ADAMTSL1: variants seen among roughly 807,000 people sequenced by gnomAD.
ADAMTSL1 encodes the protein ADAMTS-like protein 1.
In ADAMTSL1, 126 loss-of-function variants were observed where a neutral mutation model predicts 201.8. That is an observed-to-expected ratio of 0.62 (90% CI 0.54 to 0.72). The LOEUF (loss-of-function observed/expected upper bound fraction) is 0.72, where lower values mean the gene tolerates loss of function less well. Among genes scored for constraint, ADAMTSL1 ranks in the 30% least tolerant of loss-of-function variants. The pLI, the probability that ADAMTSL1 is intolerant of heterozygous loss-of-function variation, is 0.00. For synonymous variants in ADAMTSL1, 1,121 were observed against 903.4 expected (o/e 1.24, Z -4.32); for missense variants, 2,679 against 2,277.8 (o/e 1.18, Z -3.59).
intron 9 of ADAMTSL1, among the ~76,000 whole-genome samples, chr9:18,663,241 A>G (rs1404363830): frequency 2.0e-5 from 3 of 152,188 alleles, no homozygotes; most frequent in Non-Finnish European, 2.9e-5. Flanking sequence ...ATTAATTCAC[A>G]GGAACCATAT....
At chr9:17,950,502 A>G (rs192386694) in intron 1 of ADAMTSL1, among the ~76,000 whole-genome samples, 1 of 151,272 alleles carries the variant, frequency 6.6e-6, no homozygotes, top group Non-Finnish European at 1.5e-5. Context: ...TATGTGTATG[A>G]TTGTATATAT....
chr9:18,366,181 A>G (rs900052325), intron 2 of ADAMTSL1, among the ~76,000 whole-genome samples: 15 of 152,120 alleles, frequency 9.9e-5, no homozygotes, highest in African/African-American at 3.6e-4. Context: ...AACATAAACA[A>G]GGCAGTTCAA....
intron 7 of ADAMTSL1, among the ~76,000 whole-genome samples, chr9:18,652,152 A>G (rs1196843455): frequency 2.0e-5 from 3 of 152,064 alleles, no homozygotes; most frequent in East Asian, 1.9e-4. Flanking sequence ...TGGGTGGATC[A>G]CTTGAAGTCA....
At chr9:18,723,186 A>G (rs768833596) in intron 15 of ADAMTSL1, 1 of 706,556 alleles carries the variant, frequency 1.4e-6, no homozygotes, top group African/African-American at 1.8e-5. Flanking sequence ...ATGATCTGAG[A>G]TCCCATGACT....
intron 1 of ADAMTSL1, among the ~76,000 whole-genome samples, chr9:18,476,656 T>C (rs1350618709): frequency 6.6e-6 from 1 of 151,776 alleles, no homozygotes; most frequent in Non-Finnish European, 1.5e-5. Flanking sequence ...TTGAGGGGCT[T>C]GTTTTTCCTA....
intron 2 of ADAMTSL1, among the ~76,000 whole-genome samples, chr9:18,275,780 T>C (rs1832563848): frequency 6.6e-6 from 1 of 152,174 alleles, no homozygotes; most frequent in Non-Finnish European, 1.5e-5. Flanking sequence ...TTTGGGGCTA[T>C]TTCCAGTTTG....
chr9:18,707,882 G>A (rs1028127438), intron 14 of ADAMTSL1, among the ~76,000 whole-genome samples: 7 of 152,210 alleles, frequency 4.6e-5, no homozygotes, highest in African/African-American at 1.7e-4. Flanking sequence ...AGTGGCAGAG[G>A]AAGGCATTGA....
At chr9:17,913,575 A>G (rs957760241) in intron 1 of ADAMTSL1, among the ~76,000 whole-genome samples, 2 of 152,198 alleles carry the variant, frequency 1.3e-5, no homozygotes, top group African/African-American at 4.8e-5. Context: ...AGCAGGAAAG[A>G]TCCAAAATTG....
chr9:18,662,353 T>C (rs1156333247), intron 9 of ADAMTSL1, among the ~76,000 whole-genome samples: 1 of 152,192 alleles, frequency 6.6e-6, no homozygotes, highest in Admixed American at 6.5e-5. Flanking sequence ...TTCATTCTGG[T>C]TCCTTGTTTC....
At chr9:18,213,353 G>A (rs572873725) in intron 2 of ADAMTSL1, among the ~76,000 whole-genome samples, 1 of 152,242 alleles carries the variant, frequency 6.6e-6, no homozygotes, top group East Asian at 1.9e-4. Flanking sequence ...GGATTGAATT[G>A]GTGTTGGTAT....
intron 1 of ADAMTSL1, among the ~76,000 whole-genome samples, chr9:18,135,359 T>G (rs1272632294): frequency 2.6e-5 from 4 of 152,166 alleles, no homozygotes; most frequent in Admixed American, 6.5e-5. Context: ...AAAGCAACTC[T>G]TTGGGAATAT....
intron 2 of ADAMTSL1, among the ~76,000 whole-genome samples, chr9:18,319,860 A>T (rs183052859): frequency 6.6e-6 from 1 of 152,318 alleles, no homozygotes; most frequent in African/African-American, 2.4e-5. Context: ...AATTCAGGAT[A>T]TGGGCATGGA....
At chr9:18,249,411 A>G (rs1831380834) in intron 2 of ADAMTSL1, among the ~76,000 whole-genome samples, 1 of 152,208 alleles carries the variant, frequency 6.6e-6, no homozygotes, top group Non-Finnish European at 1.5e-5. Flanking sequence ...AAATACTTCA[A>G]ACCTACAGAG....
intron 1 of ADAMTSL1, among the ~76,000 whole-genome samples, chr9:17,977,226 C>T (rs2131450791): frequency 6.6e-6 from 1 of 152,028 alleles, no homozygotes; most frequent in East Asian, 1.9e-4. Context: ...TTCAGTTTGC[C>T]ATTATTTTAT....
At chr9:18,281,391 C>T (rs1311156149) in intron 2 of ADAMTSL1, among the ~76,000 whole-genome samples, 1 of 152,110 alleles carries the variant, frequency 6.6e-6, no homozygotes, top group African/African-American at 2.4e-5. Flanking sequence ...GAGAATTCAG[C>T]ACCAGACTGG....
intron 2 of ADAMTSL1, among the ~76,000 whole-genome samples, chr9:18,382,205 C>G (rs1232754727): frequency 6.6e-6 from 1 of 152,124 alleles, no homozygotes; most frequent in Non-Finnish European, 1.5e-5. Flanking sequence ...TGTGTGTTTT[C>G]TAGGCTGGCA....
At chr9:18,625,050 T>C (rs1826269100) in intron 5 of ADAMTSL1, among the ~76,000 whole-genome samples, 1 of 152,166 alleles carries the variant, frequency 6.6e-6, no homozygotes, top group East Asian at 1.9e-4. Context: ...CCATCTTATA[T>C]TTACAGACTG....
At chr9:18,005,210 G>T (rs1378483382) in intron 1 of ADAMTSL1, among the ~76,000 whole-genome samples, 1 of 152,056 alleles carries the variant, frequency 6.6e-6, no homozygotes, top group African/African-American at 2.4e-5. Flanking sequence ...AGATAGTGAG[G>T]CAAAGAGATG....
At chr9:18,425,666 C>T (rs1471700191) in intron 2 of ADAMTSL1, among the ~76,000 whole-genome samples, 1 of 151,702 alleles carries the variant, frequency 6.6e-6, no homozygotes, top group Non-Finnish European at 1.5e-5. Context: ...ACCATTATGG[C>T]ATCATAGCGA....
Sources: gnomAD v4.1 joint callset for allele counts (sites outside exome capture counted in the v4.1 genomes callset) on GRCh38, gnomAD v4.1.1 for gene constraint, MANE v1.5 for transcripts, NCBI Gene and HGNC (gene_info 2026-07-23, HGNC 2026-07-21) for gene names.